WNK2: variants seen among roughly 807,000 people sequenced by gnomAD.
The protein encoded by WNK2 is WNK lysine deficient protein kinase 2, also known as serine/threonine-protein kinase WNK2.
A neutral mutation model predicts 192.1 loss-of-function variants in WNK2; 67 were observed. The ratio of observed to expected loss-of-function variants is 0.35; its 90% confidence interval spans 0.29 to 0.43. The LOEUF (loss-of-function observed/expected upper bound fraction) is 0.43. Among genes scored for constraint, WNK2 ranks in the 20% least tolerant of loss-of-function variants. The probability of loss-of-function intolerance (pLI) is 1.00; values close to 1 mark genes in which losing one functional copy is unlikely to be tolerated. For missense variants in WNK2, 2,698 were observed against 3,089.7 expected (o/e 0.87, Z 3.01); for synonymous variants, 1,439 against 1,393.9 (o/e 1.03, Z -0.72).
chr9:93,286,533 GGA>G (rs1371670189), intron 19 of WNK2, among the ~76,000 whole-genome samples: 1 of 152,218 alleles, frequency 6.6e-6, no homozygotes, highest in Non-Finnish European at 1.5e-5. Context: ...GCCAGGATGT[GGA>G]GAGAGGGGAC....
In WNK2 at chr9:93,268,673, G is replaced by A. The variant is rs774052795; in HGVS notation, c.3960G>A (p.Glu1320=). 3 of 1,613,398 alleles carry A rather than the reference G, an allele frequency of 1.9e-6. No homozygotes were observed. Among genetic ancestry groups the A allele is most frequent in the Admixed American group, 1.7e-5 (1 of 59,978 alleles). The change falls in exon 19 of 30, where the codon GAG becomes GAA. Residue 1320 remains glutamate (E), a synonymous_variant. Coordinates refer to ENST00000427277, the MANE Select transcript of WNK2 (RefSeq NM_006648.4). ...GGTTCATCATCTGTCCGGTGGCTGA[G>A]CACCCCGCCCCCGAGGCCCCTGAAT... ...KRWFIICPVA[E]HPAPEAPESS...
In WNK2 at chr9:93,292,889, C is replaced by T; in HGVS notation, c.5424C>T (p.Asp1808=). ...EVGVGEPVSS[D]SGDEGPRARP... is the part of the protein sequence containing the mutation. ...GCGTGGGCGAGCCCGTGTCCAGCGA[C>T]TCTGGGGACGAGGGCCCTCGGGCGA... The change falls in exon 23 of 30, where the codon GAC becomes GAT. Residue 1808 remains aspartate, a synonymous_variant. Coordinates refer to ENST00000427277, the MANE Select transcript of WNK2 (RefSeq NM_006648.4). The T allele has an allele frequency of 2.0e-6, 3 of 1,516,264 alleles. No homozygotes were observed. The highest frequency in any genetic ancestry group is 2.3e-5 in the East Asian group (1 of 42,558). 93.9% of individuals were successfully genotyped at this position (1,516,264 alleles called of 1,614,324 possible). A position where few individuals can be genotyped will look rare whatever the true frequency, so the allele number is the denominator to read the frequency against.
At chr9:93,304,423 G>A (rs970295685) in intron 26 of WNK2, among the ~76,000 whole-genome samples, 1 of 152,258 alleles carries the variant, frequency 6.6e-6, no homozygotes, top group East Asian at 1.9e-4. Flanking sequence ...CCAACAGCTG[G>A]GATGAGGCTG....
intron 2 of WNK2, among the ~76,000 whole-genome samples, chr9:93,225,685 T>C (rs1480938343): frequency 6.6e-6 from 1 of 152,218 alleles, no homozygotes; most frequent in Non-Finnish European, 1.5e-5. Context: ...CACGTTACTG[T>C]TGGTGCTAAA....
At position 93,282,908 on chromosome 9, in the gene WNK2, T is replaced by C. The variant is rs186322151; in HGVS notation, c.4034-5880T>C. 4.6e-5 allele frequency among the ~76,000 whole-genome samples: 7 copies of C among 152,284 alleles called. No homozygotes were observed. In the East Asian group the frequency reaches 9.6e-4, roughly 21 times the overall value. On this transcript the variant is annotated intron_variant, in intron 19 of 29. Coordinates refer to ENST00000427277, the MANE Select transcript of WNK2 (RefSeq NM_006648.4). ...TAACTTTACGCAGACCCAAAACAAA[T>C]CTCAACAAGTTTCAAAGAATCAAAA...
At chr9:93,255,494 C>G (rs1843151033) in intron 9 of WNK2, among the ~76,000 whole-genome samples, 1 of 152,212 alleles carries the variant, frequency 6.6e-6, no homozygotes, top group Non-Finnish European at 1.5e-5. Flanking sequence ...TTGCTCCAAC[C>G]ACTCACACCA....
At chr9:93,314,674 A>G (rs1854295755) in intron 28 of WNK2, among the ~76,000 whole-genome samples, 1 of 152,196 alleles carries the variant, frequency 6.6e-6, no homozygotes, top group African/African-American at 2.4e-5. Context: ...ATGGCCATGG[A>G]GTCTTTTTTA....
intron 2 of WNK2, among the ~76,000 whole-genome samples, chr9:93,222,184 T>A (rs896064809): frequency 6.6e-6 from 1 of 151,986 alleles, no homozygotes; most frequent in Admixed American, 6.6e-5. Flanking sequence ...ACCCCCTTTT[T>A]TTGAGGCAGG....
In WNK2 at chr9:93,289,995, G is replaced by A; in HGVS notation, c.4884G>A (p.Leu1628=). Residue 1628 remains leucine (L), a synonymous_variant, in exon 21 of 30, where the codon CTG becomes CTA. Transcript: ENST00000427277. ...LPQPLVEKSE[L]APTRGAVMEQ... is the part of the protein sequence containing the mutation. ...TTCTCCAGGTGGAGAAGTCAGAACTGGCCCCCACTCGAGGGGCCGTGATGG... is the reference window on the plus strand; with the variant it reads ...TTCTCCAGGTGGAGAAGTCAGAACTAGCCCCCACTCGAGGGGCCGTGATGG... 6.3e-7 allele frequency: 1 copy of A among 1,576,934 alleles called. No individual in the cohort carries two copies. The highest frequency in any genetic ancestry group is 8.6e-7 in the Non-Finnish European group (1 of 1,160,226).
chr9:93,256,705 C>A, intron 10 of WNK2: 1 of 662,592 alleles, frequency 1.5e-6, no homozygotes, highest in Non-Finnish European at 2.5e-6. Flanking sequence ...AGGCTCTGCT[C>A]ACTCAGAACA....
intron 2 of WNK2, among the ~76,000 whole-genome samples, chr9:93,202,335 T>G (rs796734878): frequency 3.8e-4 from 49 of 128,792 alleles, no homozygotes; most frequent in African/African-American, 1.5e-3. Context: ...CGTGTGTGTG[T>G]GTGTGTGTGT....
chr9:93,298,965 T>C lies in WNK2; in HGVS notation c.5924-105T>C, dbSNP rs184204450. The C allele has an allele frequency of 1.9e-4, 235 of 1,249,564 alleles. 1 individual carries two copies. In the East Asian group the frequency reaches 3.9e-3, roughly 21 times the overall value. 77.4% of individuals were successfully genotyped at this position (1,249,564 alleles called of 1,614,324 possible). A position where few individuals can be genotyped will look rare whatever the true frequency, so the allele number is the denominator to read the frequency against. On this transcript the variant is annotated intron_variant, in intron 24 of 29. Coordinates refer to ENST00000427277, the MANE Select transcript of WNK2 (RefSeq NM_006648.4). ...CCTGTGGTCTGCAGGAGACGTGAGCTTCCCCAAGGTCACCCAGCAATAAGC... is the reference window on the plus strand; with the variant it reads ...CCTGTGGTCTGCAGGAGACGTGAGCCTCCCCAAGGTCACCCAGCAATAAGC...
intron 23 of WNK2, among the ~76,000 whole-genome samples, chr9:93,293,445 G>A (rs1289058486): frequency 1.3e-5 from 2 of 151,282 alleles, no homozygotes; most frequent in Middle Eastern, 3.5e-3. Context: ...TCAGCCTCCC[G>A]AGTAGCTGGG....
At chr9:93,285,865 C>A (rs916133179) in intron 19 of WNK2, among the ~76,000 whole-genome samples, 1 of 152,182 alleles carries the variant, frequency 6.6e-6, no homozygotes, top group African/African-American at 2.4e-5. Flanking sequence ...CAAGCCAGCT[C>A]AGAAGCAGGC....
rs1478034463 is a variant in WNK2 at position 93,258,951 on chromosome 9, G to A, written c.2403G>A (p.Val801=). Residue 801 remains valine, a synonymous_variant, in exon 12 of 30, where the codon GTG becomes GTA. Coordinates refer to ENST00000427277, the MANE Select transcript of WNK2 (RefSeq NM_006648.4). Reference sequence around the variant, plus strand: ...TTCAGATGCCCCCGATTCCTGTTGTGCCCCCCATCACGCCCCTGGCGGGAA... The same window carrying A: ...TTCAGATGCCCCCGATTCCTGTTGTACCCCCCATCACGCCCCTGGCGGGAA... ...VPPQMPPIPV[V]PPITPLAGID... The A allele has an allele frequency of 6.2e-7, 1 of 1,612,202 alleles. No individual in the cohort carries two copies. The highest frequency in any genetic ancestry group is 2.2e-5 in the East Asian group (1 of 44,862).
At chr9:93,270,725 C>T (rs914718367) in intron 19 of WNK2, among the ~76,000 whole-genome samples, 16 of 152,206 alleles carry the variant, frequency 1.1e-4, no homozygotes, top group East Asian at 9.6e-4. Flanking sequence ...CCCCATTGCT[C>T]ACCCCCCTTC....
chr9:93,214,438 G>C (rs1221712704), intron 2 of WNK2, among the ~76,000 whole-genome samples: 1 of 151,958 alleles, frequency 6.6e-6, no homozygotes, highest in African/African-American at 2.4e-5. Context: ...CAAGTAGCTG[G>C]GATTACAGGT....
rs548244857 is a variant in WNK2 at position 93,297,273 on chromosome 9, C to G, written c.5709-580C>G. On this transcript the variant is annotated intron_variant, in intron 23 of 29. Transcript: ENST00000427277. ...CTTGCCTCGGCAGTTCTAGACTCTG[C>G]CCTTGCCCATGGTCAATGAGCCACC... Among the ~76,000 whole-genome samples the G allele has an allele frequency of 6.0e-4, 92 of 152,178 alleles. 1 individual carries two copies. In the East Asian group the frequency reaches 0.017, roughly 29 times the overall value.
intron 19 of WNK2, among the ~76,000 whole-genome samples, chr9:93,276,523 A>G (rs1054803683): frequency 3.9e-5 from 6 of 152,216 alleles, no homozygotes; most frequent in Non-Finnish European, 8.8e-5. Context: ...TGTGCCAGGC[A>G]GGAGTTCTTA....
Sources: gnomAD v4.1 joint callset for allele counts (sites outside exome capture counted in the v4.1 genomes callset) on GRCh38, gnomAD v4.1.1 for gene constraint, MANE v1.5 for transcripts, NCBI Gene and HGNC (gene_info 2026-07-23, HGNC 2026-07-21) for gene names.